Variants in ABCD2 observed in about 807,000 individuals in gnomAD.
The protein encoded by ABCD2 is ATP-binding cassette sub-family D member 2.
In ABCD2, 36 loss-of-function variants were observed where a neutral mutation model predicts 70.9. The observed-to-expected ratio is 0.51, with a 90% confidence interval of 0.39 to 0.67. ABCD2 has a LOEUF of 0.67. Among genes scored for constraint, ABCD2 ranks in the 30% least tolerant of loss-of-function variants. The pLI is 0.00. For missense variants in ABCD2, 729 were observed against 890.2 expected, an observed-to-expected ratio of 0.82 and a Z score of 2.30; for synonymous variants, 304 against 306.9, an observed-to-expected ratio of 0.99 and a Z score of 0.10.
downstream of ABCD2, among the ~76,000 whole-genome samples, chr12:39,548,392 T>G (rs956759771): frequency 2.0e-5 from 3 of 152,094 alleles, no homozygotes; most frequent in African/African-American, 7.2e-5. Context: ...TGCTTGGATC[T>G]ACATTAACCT....
Position 39,551,514 on chromosome 12 carries a change from A to G in ABCD2, c.*2398T>C, listed in dbSNP as rs1054910243. 3 of 151,824 alleles carry G rather than the reference A, an allele frequency of 2.0e-5. No homozygotes were observed. Among genetic ancestry groups the G allele is most frequent in the African/African-American group, 7.2e-5 (3 of 41,422 alleles). 9.4% of individuals were successfully genotyped at this position (151,824 alleles called of 1,614,324 possible). A position where few individuals can be genotyped will look rare whatever the true frequency, so the allele number is the denominator to read the frequency against. On this transcript the variant is annotated 3_prime_UTR_variant, in exon 10 of 10. Coordinates refer to ENST00000308666, the MANE Select transcript of ABCD2 (RefSeq NM_005164.4). ...GACCATTTGGAAACAATTGAATGGTACATAAATACAAGTTCAAATCAGAGA... is the reference window on the plus strand; with the variant it reads ...GACCATTTGGAAACAATTGAATGGTGCATAAATACAAGTTCAAATCAGAGA...
At chr12:39,583,579 G>A (rs146009518) in intron 7 of ABCD2, among the ~76,000 whole-genome samples, 53 of 152,150 alleles carry the variant, frequency 3.5e-4, no homozygotes, top group African/African-American at 1.1e-3. Flanking sequence ...AGGTAAACAC[G>A]TTTCATGGGG....
chr12:39,603,043 T>C (rs1437189474), intron 5 of ABCD2, among the ~76,000 whole-genome samples: 1 of 152,190 alleles, frequency 6.6e-6, no homozygotes, highest in Non-Finnish European at 1.5e-5. Flanking sequence ...ATACAATTTC[T>C]TTAAATTTAC....
At chr12:39,602,462 G>GT (rs1306313262) in intron 5 of ABCD2, among the ~76,000 whole-genome samples, 1 of 151,988 alleles carries the variant, frequency 6.6e-6, no homozygotes, top group Non-Finnish European at 1.5e-5. Context: ...CCTGCAAATG[G>GT]TTTTTTAATC....
downstream of ABCD2, among the ~76,000 whole-genome samples, chr12:39,549,141 A>G (rs1001924421): frequency 6.6e-6 from 1 of 151,882 alleles, no homozygotes; most frequent in African/African-American, 2.4e-5. Flanking sequence ...AGGACCATCT[A>G]CTGGCAAAGG....
chr12:39,540,219 T>G, the ABCD2 span, among the ~76,000 whole-genome samples: 1 of 152,220 alleles, frequency 6.6e-6, no homozygotes, highest in African/African-American at 2.4e-5. Context: ...CCCTTGCACA[T>G]AGTGAAGAGT....
rs576045940 is a variant in ABCD2 at position 39,598,469 on chromosome 12, C to T, written c.1646+2102G>A. ...GGGCTGGAGTGCAGTGGCGCCATCT[C>T]AGCTCACCGCGACCTCTGTCTCCCA... On this transcript the variant is annotated intron_variant, in intron 6 of 9. Coordinates refer to ENST00000308666, the MANE Select transcript of ABCD2 (RefSeq NM_005164.4). Among the ~76,000 whole-genome samples the T allele has an allele frequency of 2.0e-5, 3 of 152,246 alleles. No homozygotes were observed. In the East Asian group the frequency reaches 5.8e-4, roughly 29 times the overall value.
At position 39,616,976 on chromosome 12, in the gene ABCD2, A is replaced by G; in HGVS notation, c.1120+12T>C. On this transcript the variant is annotated intron_variant, in intron 2 of 9. Coordinates refer to ENST00000308666, the MANE Select transcript of ABCD2 (RefSeq NM_005164.4). ...TAAAAATATATTTGAGATTAAGCAT[A>G]AATGTCATTACCACCATCTGCAAAG... 6.4e-7 allele frequency: 1 copy of G among 1,571,012 alleles called. No individual in the cohort carries two copies. Among genetic ancestry groups the G allele is most frequent in the Non-Finnish European group, 8.6e-7 (1 of 1,163,180 alleles).
intron 9 of ABCD2, among the ~76,000 whole-genome samples, chr12:39,557,366 T>A (rs1344327522): frequency 6.6e-6 from 1 of 152,164 alleles, no homozygotes; most frequent in African/African-American, 2.4e-5. Context: ...CTCTTAAAAG[T>A]GTTCAGTTTT....
intron 9 of ABCD2, 78 bp from the exon 10 acceptor site, chr12:39,554,209 T>C (rs1365634190): frequency 2.1e-6 from 3 of 1,426,852 alleles, no homozygotes; most frequent in Admixed American, 2.4e-5. Context: ...TCATTCAAAT[T>C]GATACCCAAA....
intron 9 of ABCD2, among the ~76,000 whole-genome samples, chr12:39,566,545 G>C (rs552890731): frequency 1.3e-5 from 2 of 151,820 alleles, no homozygotes; most frequent in African/African-American, 4.8e-5. Context: ...TCTTGCTAGC[G>C]GTCTATCGAT....
At chr12:39,570,120 A>G (rs1010128384) in intron 9 of ABCD2, among the ~76,000 whole-genome samples, 10 of 152,276 alleles carry the variant, frequency 6.6e-5, no homozygotes, top group African/African-American at 2.4e-4. Flanking sequence ...TCTCATGTTT[A>G]TGAATTGGAA....
In ABCD2 at chr12:39,603,796, C is replaced by T. The variant is rs376295419; in HGVS notation, c.1500+116G>A. 2,023 of 734,878 alleles carry T rather than the reference C, an allele frequency of 2.8e-3. 24 individuals carry two copies. Among genetic ancestry groups the T allele is most frequent in the Middle Eastern group, 0.024 (87 of 3,644 alleles). The allele number at this position is 734,878 out of a possible 1,614,324, so 45.5% of individuals were successfully genotyped here. On this transcript the variant is annotated intron_variant, in intron 5 of 9. Coordinates refer to ENST00000308666, the MANE Select transcript of ABCD2 (RefSeq NM_005164.4). ...TAATTGAGCCACTGTGCATACCTTT[C>T]TTGATTTCCCCTTTCCAAATGCTCC... is the stretch of plus-strand genomic sequence containing the variant.
At chr12:39,542,458 T>A in the ABCD2 span, among the ~76,000 whole-genome samples, 2 of 141,502 alleles carry the variant, frequency 1.4e-5, no homozygotes, top group Non-Finnish European at 1.5e-5. Context: ...CGAGACTCCA[T>A]CTCAAAAAAA....
At chr12:39,573,676 G>C (rs763957653) in intron 9 of ABCD2, 40 bp downstream of exon 9, 4 of 1,578,486 alleles carry the variant, frequency 2.5e-6, no homozygotes, top group Non-Finnish European at 2.6e-6. Flanking sequence ...GAAATTTAAG[G>C]AAAAACCATC....
chr12:39,616,854 T>C, intron 2 of ABCD2, 134 bp downstream of exon 2: 1 of 717,966 alleles, frequency 1.4e-6, no homozygotes, highest in Non-Finnish European at 2.1e-6. Context: ...CGCTGTAAAG[T>C]CTGCCATTGT....
rs1387136456 is a variant in ABCD2, at chr12:39,553,304, C to T, written c.*608G>A. 3.3e-5 allele frequency: 5 copies of T among 151,980 alleles called. No homozygotes were observed. The highest frequency in any genetic ancestry group is 6.6e-5 in the Admixed American group (1 of 15,256). The allele number at this position is 151,980 out of a possible 1,614,324, so 9.4% of individuals were successfully genotyped here. A position where few individuals can be genotyped will look rare whatever the true frequency, so the allele number is the denominator to read the frequency against. ...TTTGTTATATGCCCTCATTAAGATG[C>T]TTAAAGTCCAAAATTTAAAAATATG... On this transcript the variant is annotated 3_prime_UTR_variant, in exon 10 of 10. Transcript: ENST00000308666.
intron 2 of ABCD2, among the ~76,000 whole-genome samples, chr12:39,614,974 C>T (rs1442467709): frequency 1.3e-5 from 2 of 151,972 alleles, no homozygotes; most frequent in Non-Finnish European, 2.9e-5. Context: ...CTTTGTTTCA[C>T]TTGCCTCAAT....
chr12:39,587,369 T>C (rs1439338042), intron 6 of ABCD2, among the ~76,000 whole-genome samples: 1 of 152,168 alleles, frequency 6.6e-6, no homozygotes, highest in African/African-American at 2.4e-5. Context: ...TAATTCTTTA[T>C]TGTCGAGGGC....
Sources: gnomAD v4.1 joint callset for allele counts (sites outside exome capture counted in the v4.1 genomes callset) on GRCh38, gnomAD v4.1.1 for gene constraint, MANE v1.5 for transcripts, NCBI Gene and HGNC (gene_info 2026-07-23, HGNC 2026-07-21) for gene names.